PSME4: variants seen among roughly 807,000 people sequenced by gnomAD.
PSME4 encodes proteasome activator complex subunit 4.
PSME4 carries 89 observed loss-of-function variants against 253.9 expected under a neutral mutation model. The ratio of observed to expected loss-of-function variants is 0.35; its 90% CI spans 0.30 to 0.42. The LOEUF (loss-of-function observed/expected upper bound fraction) is 0.42. Ranked by LOEUF, PSME4 falls within the 10% of genes least tolerant of loss-of-function variation. PSME4 has a pLI of 1.00. For missense variants in PSME4, 2,014 were observed against 2,195.2 expected, an observed-to-expected ratio of 0.92 and a Z score of 1.65; for synonymous variants, 851 against 759.2, an observed-to-expected ratio of 1.12 and a Z score of -1.99.
chr2:53,908,918 G>C lies in PSME4; in HGVS notation c.2573-78C>G, dbSNP rs530625807. The C allele has an allele frequency of 1.5e-5, 16 of 1,051,002 alleles. No homozygotes were observed. In the African/African-American group the frequency reaches 2.4e-4, roughly 16 times the overall value. The allele number at this position is 1,051,002 out of a possible 1,614,324, so 65.1% of individuals were successfully genotyped here. On this transcript the variant is annotated intron_variant, in intron 21 of 46. Coordinates refer to ENST00000404125, the MANE Select transcript of PSME4 (RefSeq NM_014614.3). ...TTTTAAAGTTTATATCAACAGGTTA[G>C]GTCAAGGAGGGATAAAGTATTGGAG...
Position 53,970,059 on chromosome 2 carries a change from GA to G in PSME4, c.242+483del, listed in dbSNP as rs1224603207. On this transcript the variant is annotated intron_variant, in intron 1 of 46. Transcript: ENST00000404125. Reference sequence around the variant, plus strand: ...TTCCCTATGGTCTTCTCTCCATTCAGAAAGTTACTAGACGCCAACGGAGATG... The same window carrying G: ...TTCCCTATGGTCTTCTCTCCATTCAGAAGTTACTAGACGCCAACGGAGATG... 5.9e-5 allele frequency among the ~76,000 whole-genome samples: 9 copies of G among 152,298 alleles called. No homozygotes were observed. In the East Asian group the frequency reaches 1.4e-3, roughly 23 times the overall value.
At chr2:53,904,620 C>CATATTTTTGACCCAAACAAAATATTCAGT in intron 26 of PSME4, among the ~76,000 whole-genome samples, 1 of 152,322 alleles carries the variant, frequency 6.6e-6, no homozygotes, top group East Asian at 1.9e-4. Flanking sequence ...TACAATCTCA[C>CATATTTTTGACCCAAACAAAATATTCAGT]ATATTTTTGA....
At chr2:53,873,168 G>C (rs1042574762) in intron 43 of PSME4, among the ~76,000 whole-genome samples, 3 of 150,004 alleles carry the variant, frequency 2.0e-5, no homozygotes, top group Admixed American at 1.3e-4. Context: ...GTGAACCCAG[G>C]AGGCGGAGCT....
chr2:53,962,212 G>A (rs1032782409), intron 1 of PSME4, among the ~76,000 whole-genome samples: 1 of 152,172 alleles, frequency 6.6e-6, no homozygotes, highest in Non-Finnish European at 1.5e-5. Flanking sequence ...TTGCTTGTAA[G>A]AGAAGTTACT....
At chr2:53,888,664 C>A in intron 38 of PSME4, 57 bp downstream of exon 38, 1 of 1,209,594 alleles carries the variant, frequency 8.3e-7, no homozygotes, top group Non-Finnish European at 1.2e-6. Context: ...TCCATTTATA[C>A]ATAAGTTAAC....
chr2:53,970,800 C>T lies in PSME4; in HGVS notation c.-16G>A. 2.0e-6 allele frequency: 3 copies of T among 1,502,744 alleles called. No individual in the cohort carries two copies. Among genetic ancestry groups the T allele is most frequent in the Non-Finnish European group, 2.7e-6 (3 of 1,124,058 alleles). The allele number at this position is 1,502,744 out of a possible 1,614,324, so 93.1% of individuals were successfully genotyped here. ...CCGGCTCCATGAGCCCAGGGACACC[C>T]CCCCCACCCCCTCCCACCCGAACCC... is the stretch of plus-strand genomic sequence containing the variant. On this transcript the variant is annotated 5_prime_UTR_variant, in exon 1 of 47. Transcript: ENST00000404125.
At chr2:53,967,649 CA>C (rs71408747) in intron 1 of PSME4, among the ~76,000 whole-genome samples, 1,110 of 21,418 alleles carry the variant, frequency 0.052, no homozygotes, top group Non-Finnish European at 0.06. Context: ...GAGATTGTCT[CA>C]AAAAAAAAAA....
intron 44 of PSME4, among the ~76,000 whole-genome samples, chr2:53,868,530 TAA>T (rs1491367585): frequency 5.7e-5 from 3 of 52,278 alleles, no homozygotes; most frequent in African/African-American, 1.8e-4. Flanking sequence ...ATAATATATA[TAA>T]TATATATTAT....
chr2:53,965,863 G>C (rs965619877), intron 1 of PSME4, among the ~76,000 whole-genome samples: 1 of 151,468 alleles, frequency 6.6e-6, no homozygotes, highest in Non-Finnish European at 1.5e-5. Context: ...CAGCAGAGAC[G>C]GGGTTTCACC....
intron 43 of PSME4, among the ~76,000 whole-genome samples, chr2:53,873,034 A>T (rs1224190560): frequency 6.6e-6 from 1 of 151,756 alleles, no homozygotes; most frequent in Non-Finnish European, 1.5e-5. Context: ...AGGTCAGGAG[A>T]TCGAGACCAT....
intron 34 of PSME4, among the ~76,000 whole-genome samples, chr2:53,894,232 C>T (rs1680039847): frequency 6.6e-6 from 1 of 152,146 alleles, no homozygotes; most frequent in Admixed American, 6.6e-5. Flanking sequence ...AACTCAAGGA[C>T]CAAGTACATA....
rs763898838 is a variant in PSME4, at chr2:53,895,716, G to C, written c.3709C>G (p.Gln1237Glu). The C allele has an allele frequency of 2.9e-5, 47 of 1,610,810 alleles. No homozygotes were observed. The highest frequency in any genetic ancestry group is 3.9e-5 in the Non-Finnish European group (46 of 1,178,926). ...CEISGCPKPT[Q>E]IIAGDRPDNH... ...TCAGGCCTATCACCAGCAATAATTT[G>C]GGTGGGTTTAGGGCATCCACCTAAG... Residue 1237 changes from glutamine to glutamate, a missense_variant, in exon 33 of 47, where the codon CAA (glutamine) becomes GAA (glutamate). Physicochemically the swap from Gln to Glu is conservative, Grantham distance 29 (BLOSUM62 2). Coordinates refer to ENST00000404125, the MANE Select transcript of PSME4 (RefSeq NM_014614.3).
intron 41 of PSME4, among the ~76,000 whole-genome samples, chr2:53,878,014 T>C (rs1033765193): frequency 2.0e-5 from 3 of 152,176 alleles, no homozygotes; most frequent in Admixed American, 6.5e-5. Flanking sequence ...AGTGAGTCTC[T>C]GAGGAAATAA....
At position 53,970,871 on chromosome 2, in the gene PSME4, C is replaced by G; in HGVS notation, c.-87G>C. Reference sequence around the variant, plus strand: ...CCGGGCTCCGCCTCCTCCGCGTCTTCGTCGCCCTGCGGCCGCTGGCGGCCC... The same window carrying G: ...CCGGGCTCCGCCTCCTCCGCGTCTTGGTCGCCCTGCGGCCGCTGGCGGCCC... On this transcript the variant is annotated 5_prime_UTR_variant, in exon 1 of 47. Transcript: ENST00000404125. 3 of 1,190,730 alleles carry G rather than the reference C, an allele frequency of 2.5e-6. No homozygotes were observed. The highest frequency in any genetic ancestry group is 2.9e-5 in the East Asian group (1 of 34,344). 73.8% of individuals were successfully genotyped at this position (1,190,730 alleles called of 1,614,324 possible).
intron 36 of PSME4, among the ~76,000 whole-genome samples, chr2:53,892,112 C>G (rs765862262): frequency 3.3e-5 from 5 of 152,138 alleles, no homozygotes; most frequent in African/African-American, 4.8e-5. Flanking sequence ...TAACGGATGA[C>G]AAGAATACAT....
intron 3 of PSME4, 61 bp downstream of exon 3, chr2:53,948,360 G>C (rs935916789): frequency 2.0e-6 from 2 of 978,408 alleles, no homozygotes; most frequent in African/African-American, 3.2e-5. Context: ...TTTCAATCAT[G>C]ATCACCCCCC....
At chr2:53,883,827 C>A (rs1007802906) in intron 41 of PSME4, among the ~76,000 whole-genome samples, 1 of 151,806 alleles carries the variant, frequency 6.6e-6, no homozygotes, top group Non-Finnish European at 1.5e-5. Context: ...CTGTTGATGA[C>A]ATTTAAGTTT....
intron 14 of PSME4, among the ~76,000 whole-genome samples, chr2:53,923,826 G>C (rs1325346433): frequency 1.3e-5 from 2 of 150,876 alleles, no homozygotes; most frequent in African/African-American, 2.5e-5. Flanking sequence ...GGGAGGCTGA[G>C]GCATGCGAAT....
intron 41 of PSME4, among the ~76,000 whole-genome samples, chr2:53,875,985 A>G (rs867836781): frequency 3.3e-5 from 5 of 152,150 alleles, no homozygotes; most frequent in African/African-American, 4.8e-5. Context: ...TCATTCCCCA[A>G]TGAAATTATT....
Sources: allele counts gnomAD v4.1 joint callset (sites outside exome capture counted in the v4.1 genomes callset), GRCh38; gene constraint gnomAD v4.1.1; transcripts MANE v1.5; gene names NCBI Gene and HGNC (gene_info 2026-07-23, HGNC 2026-07-21).